Variants in GPHN observed in about 807,000 individuals in gnomAD.
GPHN encodes the protein gephyrin.
GPHN carries 17 observed loss-of-function variants against 95.5 expected under a neutral mutation model. The ratio of observed to expected loss-of-function variants is 0.18; its 90% CI spans 0.12 to 0.27. The LOEUF is 0.27. Among genes scored for constraint, GPHN ranks in the 10% least tolerant of loss-of-function variants. The probability of loss-of-function intolerance (pLI) is 1.00; values close to 1 mark genes in which losing one functional copy is unlikely to be tolerated. For synonymous variants in GPHN, 320 were observed against 322.5 expected (o/e 0.99, Z 0.08); for missense variants, 660 against 978.1 (o/e 0.67, Z 4.34).
At chr14:66,560,542 G>C (rs1462827047) in intron 1 of GPHN, among the ~76,000 whole-genome samples, 2 of 152,152 alleles carry the variant, frequency 1.3e-5, no homozygotes, top group African/African-American at 2.4e-5. Context: ...CTCTCTGTTT[G>C]TCTGTTATTG....
the GPHN span, chr14:67,343,289 T>C: frequency 9.3e-7 from 1 of 1,071,396 alleles, no homozygotes; most frequent in Non-Finnish European, 1.4e-6. Flanking sequence ...CAGTCTTCAG[T>C]ACAGTCCCTG....
At position 66,725,514 on chromosome 14, in the gene GPHN, T is replaced by C. The variant is rs146514978; in HGVS notation, c.143+44329T>C. Among the ~76,000 whole-genome samples the C allele has an allele frequency of 9.6e-3, 1,467 of 152,288 alleles. 12 individuals carry two copies. The highest frequency in any genetic ancestry group is 0.014 in the Non-Finnish European group (970 of 68,018). On this transcript the variant is annotated intron_variant, in intron 2 of 22. Transcript: ENST00000478722. ...TTTTGTTTGTTTTTTGACAGTGTCT[T>C]GCTCTGTTGCCCAGTCTGGAGTGCA...
chr14:67,201,720 A>G, the GPHN span: 2 of 344,472 alleles, frequency 5.8e-6, no homozygotes, highest in Non-Finnish European at 1.2e-5. Flanking sequence ...GGATTCTGTT[A>G]ATCCAGAAGA....
chr14:67,308,146 G>A, the GPHN span, among the ~76,000 whole-genome samples: 1 of 151,660 alleles, frequency 6.6e-6, no homozygotes, highest in African/African-American at 2.4e-5. Context: ...TTAATACCTG[G>A]GTGATGAAAT....
chr14:67,536,314 C>T, the GPHN span, among the ~76,000 whole-genome samples: 2 of 151,826 alleles, frequency 1.3e-5, no homozygotes, highest in South Asian at 4.1e-4. Context: ...CTCCCAGCCT[C>T]ATCCCCAGAA....
the GPHN span, among the ~76,000 whole-genome samples, chr14:67,664,660 C>CTAATTTTTT: frequency 1.3e-5 from 2 of 151,884 alleles, no homozygotes; most frequent in Non-Finnish European, 2.9e-5. Flanking sequence ...CCATGCCCGG[C>CTAATTTTTT]TAATTTTTTT....
At chr14:67,640,688 A>G in the GPHN span, among the ~76,000 whole-genome samples, 5 of 152,176 alleles carry the variant, frequency 3.3e-5, no homozygotes, top group African/African-American at 4.8e-5. Flanking sequence ...AATATAATCT[A>G]TGTCAATGTT....
intron 9 of GPHN, among the ~76,000 whole-genome samples, chr14:66,990,707 C>T (rs1349399280): frequency 6.6e-6 from 1 of 151,940 alleles, no homozygotes; most frequent in Non-Finnish European, 1.5e-5. Flanking sequence ...AGATGAAACA[C>T]AGATTATGTG....
intron 1 of GPHN, among the ~76,000 whole-genome samples, chr14:66,595,546 C>T (rs61989571): frequency 0.16 from 24,941 of 152,130 alleles, 2,381 homozygotes; most frequent in Non-Finnish European, 0.22. Context: ...AGCGTGTGAT[C>T]TGGCCACTGC....
the GPHN span, chr14:67,692,785 G>A: frequency 3.5e-6 from 3 of 864,470 alleles, no homozygotes; most frequent in African/African-American, 1.7e-5. Flanking sequence ...TATATGTAGA[G>A]CATAGTACTA....
At chr14:67,134,953 CTTTTTT>C (rs57933607) in intron 17 of GPHN, among the ~76,000 whole-genome samples, 2 of 45,252 alleles carry the variant, frequency 4.4e-5, no homozygotes, top group Non-Finnish European at 4.2e-5. Context: ...TTTCTTTCTT[CTTTTTT>C]TTTTTTTTTT....
Position 66,714,015 on chromosome 14 carries a change from C to T in GPHN, c.143+32830C>T, listed in dbSNP as rs193271567. On this transcript the variant is annotated intron_variant, in intron 2 of 22. Transcript: ENST00000478722. ...CAATCCTCACCTCAAGTGATCTGCC[C>T]GCCTTGGCCTCCCAAAGTGCTGGGA... Among the ~76,000 whole-genome samples, 634 of 152,226 alleles carry T rather than the reference C, an allele frequency of 4.2e-3. 6 individuals carry two copies. The highest frequency in any genetic ancestry group is 0.014 in the African/African-American group (602 of 41,530).
At position 67,071,558 on chromosome 14, in the gene GPHN, A is replaced by G. The variant is rs1457115169; in HGVS notation, c.1144+12772A>G. ...AATGACGAGTTAATGGGTGCAGCAC[A>G]CCAACATGGCACATGTATACATACA... On this transcript the variant is annotated intron_variant, in intron 11 of 22. Coordinates refer to ENST00000478722, the MANE Select transcript of GPHN (RefSeq NM_020806.5). Among the ~76,000 whole-genome samples the G allele has an allele frequency of 3.9e-5, 6 of 152,050 alleles. 1 individual carries two copies. The highest frequency in any genetic ancestry group is 8.8e-5 in the Non-Finnish European group (6 of 68,002).
chr14:66,791,063 T>G (rs1008548529), intron 3 of GPHN, among the ~76,000 whole-genome samples: 1 of 152,204 alleles, frequency 6.6e-6, no homozygotes, highest in African/African-American at 2.4e-5. Flanking sequence ...CTTCCTATGT[T>G]GGGCCTTGAA....
chr14:66,782,286 C>A (rs938551397), intron 3 of GPHN, among the ~76,000 whole-genome samples: 1 of 152,122 alleles, frequency 6.6e-6, no homozygotes, highest in African/African-American at 2.4e-5. Flanking sequence ...TTATTCTTTT[C>A]TCAGCACTGT....
intron 4 of GPHN, among the ~76,000 whole-genome samples, chr14:66,844,717 A>T (rs1043272749): frequency 5.9e-5 from 9 of 152,136 alleles, no homozygotes; most frequent in Non-Finnish European, 7.4e-5. Context: ...GCTTTTTAAA[A>T]TTTTGGTAAA....
intron 1 of GPHN, among the ~76,000 whole-genome samples, chr14:66,666,236 A>G (rs2065947367): frequency 6.6e-6 from 1 of 151,278 alleles, no homozygotes; most frequent in Admixed American, 6.6e-5. Context: ...TGTACCCTAG[A>G]ACTTAAAGTA....
the GPHN span, among the ~76,000 whole-genome samples, chr14:67,408,737 T>C: frequency 1.3e-5 from 2 of 152,222 alleles, no homozygotes; most frequent in African/African-American, 4.8e-5. Context: ...TGGCAACACC[T>C]TGATTTTGCA....
At chr14:66,609,953 A>C (rs1045430844) in intron 1 of GPHN, among the ~76,000 whole-genome samples, 1 of 152,118 alleles carries the variant, frequency 6.6e-6, no homozygotes, top group African/African-American at 2.4e-5. Context: ...AATCTGGTTA[A>C]GATCTATTGC....
Sources: allele counts gnomAD v4.1 joint callset (sites outside exome capture counted in the v4.1 genomes callset), GRCh38; gene constraint gnomAD v4.1.1; transcripts MANE v1.5; gene names NCBI Gene and HGNC (gene_info 2026-07-23, HGNC 2026-07-21).